DGKD: variants seen among roughly 807,000 people sequenced by gnomAD.
DGKD encodes the protein diacylglycerol kinase delta.
In DGKD, 68 loss-of-function variants were observed where a neutral mutation model predicts 154.4. That is an observed-to-expected ratio of 0.44 (90% CI 0.36 to 0.54). DGKD has a LOEUF of 0.54. DGKD is among the 20% of genes least tolerant of loss of function. DGKD has a pLI of 0.00. For synonymous variants in DGKD, 693 were observed against 638.0 expected (o/e 1.09, Z -1.30); for missense variants, 1,343 against 1,593.6 (o/e 0.84, Z 2.68).
At chr2:233,419,623 C>G (rs2062052042) in intron 3 of DGKD, among the ~76,000 whole-genome samples, 1 of 152,198 alleles carries the variant, frequency 6.6e-6, no homozygotes, top group East Asian at 1.9e-4. Flanking sequence ...TACTCATGTG[C>G]TAGAAACATT....
intron 1 of DGKD, among the ~76,000 whole-genome samples, chr2:233,366,047 G>A (rs902530010): frequency 6.6e-6 from 1 of 152,168 alleles, no homozygotes; most frequent in Non-Finnish European, 1.5e-5. Context: ...GTATGCAAAG[G>A]CCCTGTGGCA....
intron 1 of DGKD, among the ~76,000 whole-genome samples, chr2:233,372,264 G>GC (rs1702360325): frequency 6.6e-6 from 1 of 152,072 alleles, no homozygotes; most frequent in Admixed American, 6.6e-5. Context: ...CAAGCAATCC[G>GC]CCCGCCTCAG....
Position 233,354,647 on chromosome 2 carries a change from G to A in DGKD, c.129G>A (p.Val43=). ...CCCCACAGAAGCTCATCCGCAAGGT[G>A]TCCACGTCGGGTCAGATCCGACAGA... ...PGSPQKLIRK[V]STSGQIRQKT... is the part of the protein sequence containing the mutation. Residue 43 remains valine (V), a synonymous_variant, in exon 1 of 30, where the codon GTG becomes GTA. Transcript: ENST00000264057. The surrounding 1 kb of genome is among the most constrained non-coding windows in gnomAD (Gnocchi z 4.8). The A allele has an allele frequency of 9.1e-7, 1 of 1,096,346 alleles. No homozygotes were observed. 67.9% of individuals were successfully genotyped at this position (1,096,346 alleles called of 1,614,324 possible).
Position 233,449,109 on chromosome 2 carries a change from G to A in DGKD, c.1621G>A (p.Val541Ile), listed in dbSNP as rs752998951. The change falls in exon 15 of 30, where the codon GTC becomes ATC. Residue 541 changes from valine to isoleucine, a missense_variant. By Grantham distance (29) the Val-to-Ile change is conservative. Transcript: ENST00000264057. This position sits in a 1 kb window ranked among gnomAD's most constrained non-coding sequence, Gnocchi z 5.3. ...ESEVMAKKCS[V>I]LKEKLDSLLK... ...ATTTCCTTTCCTTGTTCAGTGCTCTGTCCTGAAAGAGAAGCTGGATTCCCT... is the reference window on the plus strand; with the variant it reads ...ATTTCCTTTCCTTGTTCAGTGCTCTATCCTGAAAGAGAAGCTGGATTCCCT... 191 of 1,595,106 alleles carry A rather than the reference G, an allele frequency of 1.2e-4. 1 individual carries two copies. The highest frequency in any genetic ancestry group is 1.6e-4 in the Non-Finnish European group (182 of 1,165,370).
chr2:233,454,741 G>T (rs770855806), intron 18 of DGKD, 22 bp from the exon 19 acceptor site: 9 of 1,450,322 alleles, frequency 6.2e-6, no homozygotes, highest in South Asian at 3.4e-5. Flanking sequence ...TGTTGTAATT[G>T]ATTTAAAACT....
chr2:233,399,393 T>G (rs1385253301), intron 3 of DGKD, among the ~76,000 whole-genome samples: 1 of 152,214 alleles, frequency 6.6e-6, no homozygotes, highest in Non-Finnish European at 1.5e-5. Context: ...GACCAGATGC[T>G]GGGCCTGGCT....
At chr2:233,460,466 C>T in intron 24 of DGKD, 121 bp downstream of exon 24, 1 of 1,299,948 alleles carries the variant, frequency 7.7e-7, no homozygotes, top group Non-Finnish European at 1.0e-6. Flanking sequence ...CTGCATTACC[C>T]ATGAGGGCCG....
Position 233,445,399 on chromosome 2 carries a change from G to A in DGKD, c.1195-224G>A, listed in dbSNP as rs1036590977. Among the ~76,000 whole-genome samples the A allele has an allele frequency of 1.3e-5, 2 of 152,130 alleles. No individual in the cohort carries two copies. The highest frequency in any genetic ancestry group is 2.9e-5 in the Non-Finnish European group (2 of 68,014). ...GGCTCATCCATTTCTCCCAGAAGCA[G>A]CATCTTATCTCAAGGGCAGTCATGT... On this transcript the variant is annotated intron_variant, in intron 10 of 29. Transcript: ENST00000264057. This position sits in a 1 kb window ranked among gnomAD's most constrained non-coding sequence, Gnocchi z 5.5.
In DGKD at chr2:233,458,449, C is replaced by G. The variant is rs747890911; in HGVS notation, c.2694+52C>G. On this transcript the variant is annotated intron_variant, in intron 22 of 29. Coordinates refer to ENST00000264057, the MANE Select transcript of DGKD (RefSeq NM_152879.3). This position sits in a 1 kb window ranked among gnomAD's most constrained non-coding sequence, Gnocchi z 6.6. ...GGCCGAGTCCCCAGCCCGGAGTGTG[C>G]TAAATTCTGGGGCAGTGCATGGAGC... The G allele has an allele frequency of 4.1e-6, 6 of 1,448,850 alleles. No homozygotes were observed. The East Asian group carries it at 1.4e-4, about 34-fold the overall frequency. 89.7% of individuals were successfully genotyped at this position (1,448,850 alleles called of 1,614,324 possible). A position where few individuals can be genotyped will look rare whatever the true frequency, so the allele number is the denominator to read the frequency against.
intron 1 of DGKD, chr2:233,386,081 A>T: frequency 2.3e-6 from 1 of 433,104 alleles, no homozygotes; most frequent in Non-Finnish European, 4.8e-6. Flanking sequence ...GTAGCAGGAG[A>T]TGCAAGAAAA....
At chr2:233,403,989 T>A (rs2061620461) in intron 3 of DGKD, among the ~76,000 whole-genome samples, 1 of 152,234 alleles carries the variant, frequency 6.6e-6, no homozygotes, top group Non-Finnish European at 1.5e-5. Context: ...ATGTGTTATA[T>A]ACATGTATAA....
In DGKD at chr2:233,440,739, T is replaced by C. The variant is rs543017888; in HGVS notation, c.1086-1148T>C. On this transcript the variant is annotated intron_variant, in intron 9 of 29. Coordinates refer to ENST00000264057, the MANE Select transcript of DGKD (RefSeq NM_152879.3). This position sits in a 1 kb window ranked among gnomAD's most constrained non-coding sequence, Gnocchi z 4.9. ...AAGAGGTTCGACTCCTTCCTGCAAA[T>C]GAGGGGCAGCCTCATAAAGCAAGGC... 6.6e-6 allele frequency among the ~76,000 whole-genome samples: 1 copy of C among 152,216 alleles called. No individual in the cohort carries two copies. Among genetic ancestry groups the C allele is most frequent in the South Asian group, 2.1e-4 (1 of 4,822 alleles).
Position 233,448,282 on chromosome 2 carries a change from C to G in DGKD, c.1521C>G (p.Leu507=), listed in dbSNP as rs146059007. ...TCTGTTTTTCTCCCCACAGAGTGCT[C>G]TGTGAGACGGTGAAGGACTTCGTGG... ...HSVVISSAKV[L]CETVKDFVAR... Residue 507 remains leucine (L), a synonymous_variant, in exon 14 of 30, where the codon CTC becomes CTG. Transcript: ENST00000264057. 14 of 1,614,040 alleles carry G rather than the reference C, an allele frequency of 8.7e-6. No homozygotes were observed. In the African/African-American group the frequency reaches 1.6e-4, roughly 18 times the overall value.
chr2:233,457,393 G>A lies in DGKD; in HGVS notation c.2580+65G>A. On this transcript the variant is annotated intron_variant, in intron 21 of 29. Transcript: ENST00000264057. This position sits in a 1 kb window ranked among gnomAD's most constrained non-coding sequence, Gnocchi z 5.5. ...GGGAAGAGCTGTCTGAGAGCAGGGGGGTGTTCTGCTGTGGCTGGGGTGGAT... is the reference window on the plus strand; with the variant it reads ...GGGAAGAGCTGTCTGAGAGCAGGGGAGTGTTCTGCTGTGGCTGGGGTGGAT... 2 of 1,229,250 alleles carry A rather than the reference G, an allele frequency of 1.6e-6. No individual in the cohort carries two copies. Among genetic ancestry groups the A allele is most frequent in the African/African-American group, 1.5e-5 (1 of 67,426 alleles). The allele number at this position is 1,229,250 out of a possible 1,614,324, so 76.1% of individuals were successfully genotyped here.
At chr2:233,464,121 T>C (rs2924811) in intron 26 of DGKD, 43 bp from the exon 27 acceptor site, 347,635 of 1,611,880 alleles carry the variant, frequency 0.22, 40,900 homozygotes, top group African/African-American at 0.47. Flanking sequence ...TGATCAGCAG[T>C]GCACACTCTC....
Position 233,438,311 on chromosome 2 carries a change from C to T in DGKD, c.1017C>T (p.Leu339=), listed in dbSNP as rs1559548672. Residue 339 remains leucine (L), a synonymous_variant, in exon 9 of 30, where the codon CTC becomes CTT. Coordinates refer to ENST00000264057, the MANE Select transcript of DGKD (RefSeq NM_152879.3). The surrounding 1 kb of genome is among the most constrained non-coding windows in gnomAD (Gnocchi z 4.1). Reference sequence around the variant, plus strand: ...GGGACAACCAGGGTGTGAAGTTCCTCAGAAGATTCAAACAGCTACTAAACC... The same window carrying T: ...GGGACAACCAGGGTGTGAAGTTCCTTAGAAGATTCAAACAGCTACTAAACC... ...KSGDNQGVKF[L]RRFKQLLNPA... 2 of 1,614,218 alleles carry T rather than the reference C, an allele frequency of 1.2e-6. No homozygotes were observed. The highest frequency in any genetic ancestry group is 8.5e-7 in the Non-Finnish European group (1 of 1,180,034).
rs112233079 is a variant in DGKD at position 233,459,266 on chromosome 2, G to T, written c.2695-491G>T. On this transcript the variant is annotated intron_variant, in intron 22 of 29. Transcript: ENST00000264057. This position sits in a 1 kb window ranked among gnomAD's most constrained non-coding sequence, Gnocchi z 5.7. ...CTGAACCCCACCCTGCGACTGTCTG[G>T]TGTCTTCCAGCACTCTGTCTACCCT... 7.3e-3 allele frequency among the ~76,000 whole-genome samples: 1,108 copies of T among 152,284 alleles called. 12 individuals carry two copies. Among genetic ancestry groups the T allele is most frequent in the African/African-American group, 0.025 (1,035 of 41,572 alleles).
chr2:233,466,003 G>C (rs764575942), intron 27 of DGKD, among the ~76,000 whole-genome samples: 8 of 152,100 alleles, frequency 5.3e-5, no homozygotes, highest in Non-Finnish European at 8.8e-5. Flanking sequence ...TACAATAATT[G>C]TTATGTATAG....
chr2:233,374,201 C>A (rs1702460106), intron 1 of DGKD, among the ~76,000 whole-genome samples: 1 of 152,014 alleles, frequency 6.6e-6, no homozygotes, highest in African/African-American at 2.4e-5. Context: ...CAGGTGCCTG[C>A]TACGATGCCT....
Sources: allele counts gnomAD v4.1 joint callset (sites outside exome capture counted in the v4.1 genomes callset), GRCh38; gene constraint gnomAD v4.1.1; non-coding constraint Gnocchi (gnomAD v3.1); transcripts MANE v1.5; gene names NCBI Gene and HGNC (gene_info 2026-07-23, HGNC 2026-07-21).